CBLC: variants seen among roughly 807,000 people sequenced by gnomAD.
CBLC encodes E3 ubiquitin-protein ligase CBL-C.
CBLC carries 46 observed loss-of-function variants against 58.6 expected under a neutral mutation model. The ratio of observed to expected loss-of-function variants is 0.79; its 90% CI spans 0.62 to 1.00. The LOEUF is 1.00. CBLC is among the 50% of genes least tolerant of loss of function. The probability of loss-of-function intolerance (pLI) is 0.00; values close to 1 mark genes in which losing one functional copy is unlikely to be tolerated. For missense variants in CBLC, 655 were observed against 625.8 expected (o/e 1.05, Z -0.50); for synonymous variants, 271 against 264.2 (o/e 1.03, Z -0.25).
intron 4 of CBLC, among the ~76,000 whole-genome samples, chr19:44,783,563 C>T (rs371477796): frequency 1.3e-5 from 2 of 151,880 alleles, no homozygotes; most frequent in Non-Finnish European, 2.9e-5. Context: ...TGCCTATAGT[C>T]CCAGCTACTT....
intron 9 of CBLC, among the ~76,000 whole-genome samples, 172 bp downstream of exon 9, chr19:44,794,453 CTTTCTTT>C (rs1388828880): frequency 7.4e-6 from 1 of 135,050 alleles, no homozygotes; most frequent in African/African-American, 2.8e-5. Flanking sequence ...CCCTCTGGGA[CTTTCTTT>C]TTTTTTTTTT....
At chr19:44,796,881 A>T (rs1438864256) in intron 9 of CBLC, among the ~76,000 whole-genome samples, 1 of 151,834 alleles carries the variant, frequency 6.6e-6, no homozygotes. Flanking sequence ...CGACCACAGC[A>T]AACAAGAGAG....
In CBLC at chr19:44,777,974, GC is replaced by G; in HGVS notation, c.46del (p.Arg16AlafsTer13). The G allele has an allele frequency of 1.2e-6, 2 of 1,606,036 alleles. No individual in the cohort carries two copies. The highest frequency in any genetic ancestry group is 8.5e-7 in the Non-Finnish European group (1 of 1,178,688). On this transcript the variant is annotated frameshift_variant, in exon 1 of 11. Coordinates refer to ENST00000647358, the MANE Select transcript of CBLC (RefSeq NM_012116.4). LOFTEE classifies it high-confidence loss of function. The stretch of plus-strand genomic sequence containing the variant: ...CCCGTGGGGGCGACAGTGGGAAGAG[GC>G]CCGCGCCCTGGGCCGGGCAGTCAGG... ...VAPWGRQWEE[A>X]RALGRAVRML...
At chr19:44,787,518 G>A (rs555519702) in intron 5 of CBLC, among the ~76,000 whole-genome samples, 1 of 151,340 alleles carries the variant, frequency 6.6e-6, no homozygotes, top group Admixed American at 6.6e-5. Flanking sequence ...TTTGCACCGG[G>A]CACCCAGCAA....
At chr19:44,784,950 G>GTTTGTTTTTT (rs1967850075) in intron 5 of CBLC, among the ~76,000 whole-genome samples, 9 of 34,356 alleles carry the variant, frequency 2.6e-4, no homozygotes, top group Non-Finnish European at 5.9e-4. Flanking sequence ...CTAGACAGGT[G>GTTTGTTTTTT]TTTTTTTTTT....
chr19:44,797,312 A>G (rs566661515), intron 9 of CBLC, among the ~76,000 whole-genome samples: 1 of 151,924 alleles, frequency 6.6e-6, no homozygotes, highest in Non-Finnish European at 1.5e-5. Context: ...GTGCAGTGGC[A>G]CGATCTCAGC....
In CBLC at chr19:44,793,430, G is replaced by A. The variant is rs368197310; in HGVS notation, c.1138-44G>A. The A allele has an allele frequency of 4.0e-5, 61 of 1,539,468 alleles. No individual in the cohort carries two copies. In the East Asian group the frequency reaches 4.6e-4, roughly 12 times the overall value. ...CCTCGTTGGCCCAAGGGACAGGATG[G>A]AGAGCAGGGGAGCACTGACCCTTTC... On this transcript the variant is annotated intron_variant, in intron 7 of 10. Transcript: ENST00000647358.
At chr19:44,793,748 G>GACT (rs1968115605) in intron 8 of CBLC, 128 bp downstream of exon 8, 1 of 894,158 alleles carries the variant, frequency 1.1e-6, no homozygotes, top group African/African-American at 1.8e-5. Flanking sequence ...TGAGGGAAGA[G>GACT]GGGTTGGAGC....
rs377713423 is a variant in CBLC at position 44,790,765 on chromosome 19, G to T, written c.1005+674G>T. Among the ~76,000 whole-genome samples, 123 of 152,162 alleles carry T rather than the reference G, an allele frequency of 8.1e-4. 2 individuals carry two copies. In the South Asian group the frequency reaches 0.023, roughly 28 times the overall value. ...ATTTTTTTTAGTATAAATATATCCC[G>T]TGCAATATTTGGGACATCCTTATAC... is the stretch of plus-strand genomic sequence containing the variant. On this transcript the variant is annotated intron_variant, in intron 6 of 10. Transcript: ENST00000647358.
rs148127553 is a variant in CBLC, at chr19:44,782,451, G to A, written c.739G>A (p.Val247Ile). The A allele has an allele frequency of 9.9e-6, 16 of 1,613,710 alleles. No homozygotes were observed. The highest frequency in any genetic ancestry group is 1.7e-5 in the Admixed American group (1 of 59,964). The change falls in exon 4 of 11, where the codon GTC becomes ATC. Residue 247 changes from valine (V) to isoleucine (I), a missense_variant. Transcript: ENST00000647358. ...GYMAFLTYDEVQERLQACRDK... is the reference protein window; with the variant it reads ...GYMAFLTYDEIQERLQACRDK... The stretch of plus-strand genomic sequence containing the variant: ...CATGGCCTTCCTCACCTATGATGAG[G>A]TCCAAGAGCGTCTGCAGGCCTGCAG...
chr19:44,795,947 G>A (rs1333025253), intron 9 of CBLC, among the ~76,000 whole-genome samples: 2 of 152,170 alleles, frequency 1.3e-5, no homozygotes, highest in African/African-American at 4.8e-5. Context: ...TGGGCGCGGT[G>A]GCTTATGCCT....
intron 5 of CBLC, 66 bp from the exon 6 acceptor site, chr19:44,789,938 A>T: frequency 2.0e-6 from 2 of 1,018,254 alleles, no homozygotes; most frequent in East Asian, 2.4e-5. Context: ...GGGTAAAGGT[A>T]CTTGTTCATC....
At position 44,800,382 on chromosome 19, in the gene CBLC, G is replaced by C. The variant is rs61750956; in HGVS notation, c.1364G>C (p.Arg455Thr). The C allele has an allele frequency of 1.5e-3, 2,450 of 1,610,184 alleles. 3 individuals carry two copies. Among genetic ancestry groups the C allele is most frequent in the Non-Finnish European group, 2.0e-3 (2,321 of 1,176,470 alleles). Reference protein sequence around the residue: ...RKPRNAQPKVRLLKGNSPPAA... With the variant: ...RKPRNAQPKVTLLKGNSPPAA... ...CCTCTCAAAATATCTCCATTGCAGA[G>C]ACTCCTAAAGGGGAACTCCCCTCCA... Residue 455 changes from arginine (R) to threonine (T), a missense_variant and splice_region_variant, in exon 10 of 11, where the codon AGA becomes ACA. Physicochemically the swap from Arg to Thr is moderately conservative, Grantham distance 71 (BLOSUM62 -1). Around this residue, in one of 3 missense-constraint regions of CBLC, gnomAD observed 371 missense variants for 370.8 expected, o/e 1.00. Coordinates refer to ENST00000647358, the MANE Select transcript of CBLC (RefSeq NM_012116.4).
chr19:44,796,708 T>C (rs914673475), intron 9 of CBLC, among the ~76,000 whole-genome samples: 5 of 152,142 alleles, frequency 3.3e-5, no homozygotes, highest in South Asian at 2.1e-4. Flanking sequence ...ATAAGCCCTG[T>C]CCTGGCTTTC....
chr19:44,786,223 A>T (rs1225835136), intron 5 of CBLC, among the ~76,000 whole-genome samples: 1 of 151,884 alleles, frequency 6.6e-6, no homozygotes, highest in Non-Finnish European at 1.5e-5. Context: ...GCACGCCACC[A>T]CGCCCGGCTG....
intron 1 of CBLC, among the ~76,000 whole-genome samples, chr19:44,779,755 G>A (rs966527235): frequency 1.3e-5 from 2 of 151,856 alleles, no homozygotes; most frequent in Non-Finnish European, 2.9e-5. Context: ...GTCTTGCTAT[G>A]TTGGCTAGGC....
At chr19:44,786,918 A>C (rs1202450131) in intron 5 of CBLC, among the ~76,000 whole-genome samples, 1 of 151,812 alleles carries the variant, frequency 6.6e-6, no homozygotes, top group Non-Finnish European at 1.5e-5. Flanking sequence ...CAGCCTGGCC[A>C]ACATGGTGAA....
chr19:44,784,313 T>C lies in CBLC; in HGVS notation c.829T>C (p.Tyr277His). The part of the protein sequence containing the change: ...CTRLGQWAIG[Y>H]VSSDGSILQT... Reference sequence around the variant, plus strand: ...TCGCCTGGGGCAGTGGGCCATCGGCTATGTGAGCTCAGATGGCAGCATCCT... The same window carrying C: ...TCGCCTGGGGCAGTGGGCCATCGGCCATGTGAGCTCAGATGGCAGCATCCT... Residue 277 changes from tyrosine (Y) to histidine (H), a missense_variant, in exon 5 of 11, where the codon TAT becomes CAT. This residue lies in a region of CBLC where 371 missense variants were observed against 370.8 expected (regional missense o/e 1.00). Coordinates refer to ENST00000647358, the MANE Select transcript of CBLC (RefSeq NM_012116.4). The C allele has an allele frequency of 1.2e-6, 2 of 1,600,084 alleles. No homozygotes were observed. Among genetic ancestry groups the C allele is most frequent in the Non-Finnish European group, 8.6e-7 (1 of 1,168,770 alleles).
intron 5 of CBLC, 86 bp downstream of exon 5, chr19:44,784,487 C>CAATG: frequency 7.5e-7 from 1 of 1,337,402 alleles, no homozygotes; most frequent in Admixed American, 2.0e-5. Flanking sequence ...GTGGCCACCA[C>CAATG]GTTTGAGGGT....
Sources: gnomAD v4.1 joint callset for allele counts (sites outside exome capture counted in the v4.1 genomes callset) on GRCh38, gnomAD v4.1.1 for gene constraint, gnomAD v4.1.1 regional missense constraint, MANE v1.5 for transcripts, NCBI Gene and HGNC (gene_info 2026-07-23, HGNC 2026-07-21) for gene names.